The following BCAT1 variants were observed in gnomAD, a reference collection of about 807,000 sequenced individuals.
BCAT1 encodes branched chain amino acid transaminase 1.
A neutral mutation model predicts 52.4 loss-of-function variants in BCAT1; 48 were observed. The observed-to-expected ratio is 0.92, with a 90% CI of 0.73 to 1.16. The LOEUF (loss-of-function observed/expected upper bound fraction) is 1.16. Among genes scored for constraint, BCAT1 ranks in the 50% most tolerant of loss-of-function variants. The pLI, the probability that BCAT1 is intolerant of heterozygous loss-of-function variation, is 0.00. For missense variants in BCAT1, 451 were observed against 457.1 expected (o/e 0.99, Z 0.12); for synonymous variants, 167 against 161.3 (o/e 1.04, Z -0.27).
At chr12:24,925,043 C>T (rs531709054) in intron 1 of BCAT1, among the ~76,000 whole-genome samples, 1 of 152,302 alleles carries the variant, frequency 6.6e-6, no homozygotes, top group East Asian at 1.9e-4. Context: ...CATGTGTCTG[C>T]TTGGCTAAGC....
intron 1 of BCAT1, among the ~76,000 whole-genome samples, chr12:24,942,820 T>C (rs568482282): frequency 6.6e-6 from 1 of 152,362 alleles, no homozygotes; most frequent in South Asian, 2.1e-4. Context: ...AGGGTGCATA[T>C]GGTATGAACC....
chr12:24,835,686 T>A (rs1306788731), intron 8 of BCAT1, among the ~76,000 whole-genome samples: 1 of 151,988 alleles, frequency 6.6e-6, no homozygotes, highest in Non-Finnish European at 1.5e-5. Context: ...CTCCAGATCT[T>A]ATGCCATCCT....
chr12:24,856,877 G>A (rs1941700847), intron 5 of BCAT1, among the ~76,000 whole-genome samples: 1 of 152,158 alleles, frequency 6.6e-6, no homozygotes, highest in Admixed American at 6.5e-5. Context: ...TTTCCCTCTC[G>A]TCTTGTTTTA....
chr12:24,838,497 G>T (rs888850296), intron 7 of BCAT1, among the ~76,000 whole-genome samples: 2 of 125,890 alleles, frequency 1.6e-5, no homozygotes, highest in Non-Finnish European at 3.4e-5. Flanking sequence ...GGATCTATTT[G>T]TGTGTGTATA....
chr12:24,926,209 C>A (rs1244450557), intron 1 of BCAT1, among the ~76,000 whole-genome samples: 1 of 151,986 alleles, frequency 6.6e-6, no homozygotes, highest in Non-Finnish European at 1.5e-5. Flanking sequence ...GCTGCCCCGT[C>A]TGGGAGGTGA....
Position 24,813,581 on chromosome 12 carries a change from T to C in BCAT1, c.*4427A>G, listed in dbSNP as rs954093399. 2 of 152,014 alleles carry C rather than the reference T, an allele frequency of 1.3e-5. No individual in the cohort carries two copies. Among genetic ancestry groups the C allele is most frequent in the Non-Finnish European group, 2.9e-5 (2 of 67,906 alleles). The allele number at this position is 152,014 out of a possible 1,614,324, so 9.4% of individuals were successfully genotyped here. The stretch of plus-strand genomic sequence containing the variant: ...TTAGGTGCACCATGATAACTCAACA[T>C]TGTTTGAAAAGAATTCAGTCAACAC... On this transcript the variant is annotated 3_prime_UTR_variant, in exon 11 of 11. Coordinates refer to ENST00000261192, the MANE Select transcript of BCAT1 (RefSeq NM_005504.7).
intron 3 of BCAT1, among the ~76,000 whole-genome samples, chr12:24,887,512 T>A (rs566772794): frequency 6.6e-6 from 1 of 152,122 alleles, no homozygotes; most frequent in Non-Finnish European, 1.5e-5. Context: ...ATCTACACAC[T>A]CCATAAAGGA....
intron 9 of BCAT1, 76 bp downstream of exon 9, chr12:24,832,647 T>C (rs1940722721): frequency 2.8e-6 from 4 of 1,451,276 alleles, no homozygotes; most frequent in Middle Eastern, 1.8e-4. Context: ...CCAGATACAA[T>C]TTTATTCATA....
At chr12:24,905,120 G>C (rs1178740593) in intron 1 of BCAT1, among the ~76,000 whole-genome samples, 1 of 152,242 alleles carries the variant, frequency 6.6e-6, no homozygotes, top group African/African-American at 2.4e-5. Context: ...TGGGGCTGCG[G>C]TAGACAGAAG....
chr12:24,906,487 C>T lies in BCAT1; in HGVS notation c.7-4602G>A, dbSNP rs530834332. 2.7e-4 allele frequency among the ~76,000 whole-genome samples: 24 copies of T among 87,356 alleles called. No individual in the cohort carries two copies. The East Asian group carries it at 6.0e-3, about 22-fold the overall frequency. 57.3% of individuals were successfully genotyped at this position (87,356 alleles called of 152,430 possible). On this transcript the variant is annotated intron_variant, in intron 1 of 10. Coordinates refer to ENST00000261192, the MANE Select transcript of BCAT1 (RefSeq NM_005504.7). The stretch of plus-strand genomic sequence containing the variant: ...GAGGTGGTAACTGAAGCTATGGGTG[C>T]GAAAGAGAATCTCTATGTCAGTTTT...
At chr12:24,874,959 G>A (rs572925287) in intron 5 of BCAT1, among the ~76,000 whole-genome samples, 5 of 143,656 alleles carry the variant, frequency 3.5e-5, no homozygotes, top group South Asian at 4.3e-4. Flanking sequence ...CTATGAAAAG[G>A]ACATGAAATA....
chr12:24,923,666 T>C (rs1040187952), intron 1 of BCAT1, among the ~76,000 whole-genome samples: 16 of 152,172 alleles, frequency 1.1e-4, no homozygotes, highest in African/African-American at 1.7e-4. Context: ...CACCTCGGCT[T>C]CCCATAGTGC....
intron 10 of BCAT1, among the ~76,000 whole-genome samples, chr12:24,824,245 T>TCCTTCCTTCCTC (rs1940280415): frequency 7.3e-6 from 1 of 136,558 alleles, no homozygotes; most frequent in Admixed American, 7.3e-5. Context: ...CTTCCTTCCT[T>TCCTTCCTTCCTC]CCTTCCTTCC....
rs1344707164 is a variant in BCAT1, at chr12:24,811,801, T to C, written c.*6207A>G. ...CAATGGCTGGAGTCTATCAGTACAATAGTAATTGCAATCAGATTCAGATAC... is the reference window on the plus strand; with the variant it reads ...CAATGGCTGGAGTCTATCAGTACAACAGTAATTGCAATCAGATTCAGATAC... On this transcript the variant is annotated 3_prime_UTR_variant, in exon 11 of 11. Transcript: ENST00000261192. The C allele has an allele frequency of 6.6e-6, 1 of 152,134 alleles. No homozygotes were observed. Among genetic ancestry groups the C allele is most frequent in the East Asian group, 1.9e-4 (1 of 5,208 alleles). The allele number at this position is 152,134 out of a possible 1,614,324, so 9.4% of individuals were successfully genotyped here.
At chr12:24,908,413 A>G (rs1400737789) in intron 1 of BCAT1, among the ~76,000 whole-genome samples, 1 of 152,184 alleles carries the variant, frequency 6.6e-6, no homozygotes, top group Admixed American at 6.5e-5. Flanking sequence ...CCGAATTTTT[A>G]ATCTTGTTTC....
At chr12:24,843,836 T>C (rs1941251951) in intron 6 of BCAT1, among the ~76,000 whole-genome samples, 1 of 152,116 alleles carries the variant, frequency 6.6e-6, no homozygotes, top group Admixed American at 6.5e-5. Flanking sequence ...ACATGATTCC[T>C]TTTTTGGGTG....
At chr12:24,893,249 T>G (rs1434764215) in intron 3 of BCAT1, among the ~76,000 whole-genome samples, 4 of 152,236 alleles carry the variant, frequency 2.6e-5, no homozygotes. Context: ...TAATTATTAT[T>G]GCTAACAACT....
At position 24,817,909 on chromosome 12, in the gene BCAT1, A is replaced by T. The variant is rs978185262; in HGVS notation, c.*99T>A. ...TGATACTACAAACTACATTATGCAC[A>T]GGTAGCCAAAGAAATCTATCACAAT... On this transcript the variant is annotated 3_prime_UTR_variant, in exon 11 of 11. Transcript: ENST00000261192. 12 of 1,264,382 alleles carry T rather than the reference A, an allele frequency of 9.5e-6. No individual in the cohort carries two copies. The highest frequency in any genetic ancestry group is 1.4e-5 in the Non-Finnish European group (12 of 875,244). The allele number at this position is 1,264,382 out of a possible 1,614,324, so 78.3% of individuals were successfully genotyped here.
chr12:24,921,794 T>C (rs1235079533), intron 1 of BCAT1, among the ~76,000 whole-genome samples: 1 of 152,220 alleles, frequency 6.6e-6, no homozygotes, highest in Non-Finnish European at 1.5e-5. Flanking sequence ...ACTGTAACAT[T>C]CCTTTCTAAA....
Sources: gnomAD v4.1 joint callset for allele counts (sites outside exome capture counted in the v4.1 genomes callset) on GRCh38, gnomAD v4.1.1 for gene constraint, MANE v1.5 for transcripts, NCBI Gene and HGNC (gene_info 2026-07-23, HGNC 2026-07-21) for gene names.